OTOF: variants seen among roughly 807,000 people sequenced by gnomAD.
OTOF encodes otoferlin.
Under a neutral mutation model 236.8 loss-of-function variants are expected in OTOF, and 218 were observed. That is an observed-to-expected ratio of 0.92 (90% CI 0.82 to 1.03). The LOEUF is 1.03. OTOF is among the 50% of genes least tolerant of loss of function. The pLI is 0.00. For synonymous variants in OTOF, 1,041 were observed against 1,072.5 expected (o/e 0.97, Z 0.57); for missense variants, 2,590 against 2,694.4 (o/e 0.96, Z 0.86).
At chr2:26,543,658 A>G (rs1387159572) in intron 1 of OTOF, among the ~76,000 whole-genome samples, 1 of 152,186 alleles carries the variant, frequency 6.6e-6, no homozygotes, top group Non-Finnish European at 1.5e-5. Context: ...TTATCCCTCA[A>G]TAAGAAACAG....
chr2:26,527,060 G>A lies in OTOF; in HGVS notation c.227+772C>T, dbSNP rs964589296. Reference sequence around the variant, plus strand: ...CAAATCCTTCTGAATTCTTCTCATGGCCCAGAGAGAAGGATGACAACTACT... The same window carrying A: ...CAAATCCTTCTGAATTCTTCTCATGACCCAGAGAGAAGGATGACAACTACT... On this transcript the variant is annotated intron_variant, in intron 3 of 46. Transcript: ENST00000272371. 3.3e-5 allele frequency among the ~76,000 whole-genome samples: 5 copies of A among 152,122 alleles called. No individual in the cohort carries two copies. The East Asian group carries it at 9.6e-4, about 29-fold the overall frequency.
Position 26,470,531 on chromosome 2 carries a change from G to A in OTOF, c.4023+62C>T. 3 of 1,542,594 alleles carry A rather than the reference G, an allele frequency of 1.9e-6. No individual in the cohort carries two copies. In the Admixed American group the frequency reaches 5.0e-5, roughly 26 times the overall value. ...AGCTCTTGGGGGCCGTGGGAAAGAAGCTGGACAGGAGGGTCTGAGTGTGGA... is the reference window on the plus strand; with the variant it reads ...AGCTCTTGGGGGCCGTGGGAAAGAAACTGGACAGGAGGGTCTGAGTGTGGA... On this transcript the variant is annotated intron_variant, in intron 32 of 46. Transcript: ENST00000272371. The surrounding 1 kb of genome is among the most constrained non-coding windows in gnomAD (Gnocchi z 4.3).
chr2:26,466,154 G>T, intron 36 of OTOF, 78 bp from the exon 37 acceptor site: 9 of 1,585,584 alleles, frequency 5.7e-6, no homozygotes, highest in Non-Finnish European at 7.8e-6. Flanking sequence ...GCTGCCTGAG[G>T]GTCCTATGAC....
At position 26,460,921 on chromosome 2, in the gene OTOF, G is replaced by C; in HGVS notation, c.5643C>G (p.Phe1881Leu). 1 of 1,614,168 alleles carries C rather than the reference G, an allele frequency of 6.2e-7. No homozygotes were observed. Among genetic ancestry groups the C allele is most frequent in the Non-Finnish European group, 8.5e-7 (1 of 1,180,028 alleles). Residue 1881 changes from phenylalanine (F) to leucine (L), a missense_variant, in exon 44 of 47, where the codon TTC becomes TTG. By Grantham distance (22) the Phe-to-Leu change is conservative. Coordinates refer to ENST00000272371, the MANE Select transcript of OTOF (RefSeq NM_194248.3). This position sits in a 1 kb window ranked among gnomAD's most constrained non-coding sequence, Gnocchi z 5.3. ...ACCAGCCTTTGACGCGCTTTTGCTT[G>C]AAGATGGACACGAGGGGCACGTCCA... ...GEVDVPLVSI[F>L]KQKRVKGWWP... is the part of the protein sequence containing the mutation.
chr2:26,467,233 C>T lies in OTOF; in HGVS notation c.4228G>A (p.Val1410Ile). ...KKKPKIDELK[V>I]YPKELESEFD... ...TCGGACTCCAGCTCTTTGGGGTATACCTGAGACAGACCAGGCTGTTAGGGG... is the reference window on the plus strand; with the variant it reads ...TCGGACTCCAGCTCTTTGGGGTATATCTGAGACAGACCAGGCTGTTAGGGG... The change falls in exon 35 of 47, where the codon GTA becomes ATA. Residue 1410 changes from valine (V) to isoleucine (I), a missense_variant and splice_region_variant. This residue lies in a region of OTOF where 1,211 missense variants were observed against 1,352.8 expected (regional missense o/e 0.90). Coordinates refer to ENST00000272371, the MANE Select transcript of OTOF (RefSeq NM_194248.3). 6.2e-7 allele frequency: 1 copy of T among 1,614,128 alleles called. No homozygotes were observed. The highest frequency in any genetic ancestry group is 2.2e-5 in the East Asian group (1 of 44,880).
intron 14 of OTOF, 148 bp downstream of exon 14, chr2:26,482,258 G>T: frequency 1.4e-6 from 1 of 735,594 alleles, no homozygotes; most frequent in South Asian, 1.6e-5. Context: ...TCCCCCTGAG[G>T]CAGGGGCTGC....
chr2:26,526,237 G>T (rs185013671), intron 3 of OTOF, among the ~76,000 whole-genome samples: 5 of 151,866 alleles, frequency 3.3e-5, no homozygotes, highest in Admixed American at 1.3e-4. Flanking sequence ...TGAATGAATG[G>T]ATGAAAGGAA....
intron 10 of OTOF, 25 bp from the exon 11 acceptor site, chr2:26,489,320 C>A (rs144587424): frequency 3.2e-6 from 5 of 1,579,764 alleles, no homozygotes; most frequent in Admixed American, 3.4e-5. Context: ...CACAGCCCAC[C>A]CGTCAGGCCC....
intron 9 of OTOF, 130 bp downstream of exon 9, chr2:26,494,812 A>T: frequency 9.7e-7 from 1 of 1,028,522 alleles, no homozygotes; most frequent in Non-Finnish European, 1.5e-6. Context: ...GGGTTGTAAC[A>T]GGGTGGATCA....
In OTOF at chr2:26,460,320, G is replaced by T; in HGVS notation, c.5814-115C>A. 1.1e-6 allele frequency: 1 copy of T among 872,924 alleles called. No individual in the cohort carries two copies. Among genetic ancestry groups the T allele is most frequent in the Non-Finnish European group, 1.8e-6 (1 of 541,828 alleles). 54.1% of individuals were successfully genotyped at this position (872,924 alleles called of 1,614,324 possible). A position where few individuals can be genotyped will look rare whatever the true frequency, so the allele number is the denominator to read the frequency against. ...TCCTGGGCTGTGTGTGCAGTTCTAG[G>T]CACCCCTCTGGCCATCAAGGCTGGC... is the stretch of plus-strand genomic sequence containing the variant. On this transcript the variant is annotated intron_variant, in intron 45 of 46. Coordinates refer to ENST00000272371, the MANE Select transcript of OTOF (RefSeq NM_194248.3). This position sits in a 1 kb window ranked among gnomAD's most constrained non-coding sequence, Gnocchi z 5.3.
At chr2:26,541,657 T>C (rs1667214952) in intron 1 of OTOF, among the ~76,000 whole-genome samples, 1 of 152,242 alleles carries the variant, frequency 6.6e-6, no homozygotes. Context: ...ACCCCATCTC[T>C]TGTTTCAAGT....
At chr2:26,486,659 T>G (rs1384547932) in intron 11 of OTOF, among the ~76,000 whole-genome samples, 1 of 152,146 alleles carries the variant, frequency 6.6e-6, no homozygotes, top group Admixed American at 6.5e-5. Flanking sequence ...CTAAAGAAAG[T>G]GAAGATATCT....
intron 12 of OTOF, 50 bp downstream of exon 12, chr2:26,484,424 G>C (rs765510057): frequency 1.9e-6 from 3 of 1,607,402 alleles, no homozygotes; most frequent in Admixed American, 1.7e-5. Context: ...GCTCCCTGGG[G>C]GAAGGAAGGG....
Position 26,460,706 on chromosome 2 carries a change from C to G in OTOF, c.5754G>C (p.Glu1918Asp). 6.2e-7 allele frequency: 1 copy of G among 1,614,064 alleles called. No individual in the cohort carries two copies. Among genetic ancestry groups the G allele is most frequent in the Admixed American group, 1.7e-5 (1 of 60,012 alleles). Residue 1918 changes from glutamate to aspartate, a missense_variant, in exon 45 of 47, where the codon GAG becomes GAC. Glu to Asp is a conservative substitution (Grantham distance 45). Around this residue, in one of 2 missense-constraint regions of OTOF, gnomAD observed 1,211 missense variants for 1,352.8 expected, o/e 0.90. Transcript: ENST00000272371. This position sits in a 1 kb window ranked among gnomAD's most constrained non-coding sequence, Gnocchi z 5.3. ...CCAGGCCCACTGGGTTCTTCTCTGC[C>G]TCCTCTGCTGTCAGTAAATGCAGCT... is the stretch of plus-strand genomic sequence containing the variant. The part of the protein sequence containing the change: ...EAELHLLTAE[E>D]AEKNPVGLAR...
chr2:26,556,139 C>T (rs1281852861), intron 1 of OTOF, among the ~76,000 whole-genome samples: 1 of 152,232 alleles, frequency 6.6e-6, no homozygotes, highest in Admixed American at 6.5e-5. Context: ...TCACCAAGGG[C>T]TCCCTCACCA....
chr2:26,476,649 TCCCCACCCCTTC>T (rs1665302877), intron 22 of OTOF, among the ~76,000 whole-genome samples: 1 of 17,446 alleles, frequency 5.7e-5, no homozygotes, highest in Non-Finnish European at 9.7e-5. Context: ...CCCACCTCCT[TCCCCACCCCTTC>T]CCCCACCCCT....
intron 13 of OTOF, 116 bp downstream of exon 13, chr2:26,483,345 CA>C: frequency 1.0e-6 from 1 of 965,156 alleles, no homozygotes; most frequent in Non-Finnish European, 1.7e-6. Flanking sequence ...CGTCCCTGGC[CA>C]ACATGATTTC....
intron 46 of OTOF, among the ~76,000 whole-genome samples, chr2:26,458,508 G>A (rs1664297620): frequency 6.6e-6 from 1 of 152,248 alleles, no homozygotes; most frequent in Non-Finnish European, 1.5e-5. Context: ...CTCATCGTTA[G>A]GAAGCTCCTG....
rs1370846232 is a variant in OTOF at position 26,497,941 on chromosome 2, T to G, written c.766-2868A>C. 2.0e-5 allele frequency among the ~76,000 whole-genome samples: 3 copies of G among 152,216 alleles called. No homozygotes were observed. In the East Asian group the frequency reaches 5.8e-4, roughly 29 times the overall value. ...ACGAACCCTTTTTTGCCAAAGATTTTTAAAAACCCCATGAATTTTTCCACA... is the reference window on the plus strand; with the variant it reads ...ACGAACCCTTTTTTGCCAAAGATTTGTAAAAACCCCATGAATTTTTCCACA... On this transcript the variant is annotated intron_variant, in intron 8 of 46. Coordinates refer to ENST00000272371, the MANE Select transcript of OTOF (RefSeq NM_194248.3).
Sources: gnomAD v4.1 joint callset for allele counts (sites outside exome capture counted in the v4.1 genomes callset) on GRCh38, gnomAD v4.1.1 for gene constraint, gnomAD v4.1.1 regional missense constraint, Gnocchi (gnomAD v3.1) non-coding constraint, MANE v1.5 for transcripts, NCBI Gene and HGNC (gene_info 2026-07-23, HGNC 2026-07-21) for gene names.